Variants in ARHGAP22 observed in about 807,000 individuals in gnomAD.
The protein encoded by ARHGAP22 is rho GTPase-activating protein 22.
Under a neutral mutation model 59.1 loss-of-function variants are expected in ARHGAP22, and 48 were observed. That is an observed-to-expected ratio of 0.81 (90% CI 0.64 to 1.03). The LOEUF is 1.03. ARHGAP22 is among the 50% of genes least tolerant of loss of function. The pLI, the probability that ARHGAP22 is intolerant of heterozygous loss-of-function variation, is 0.00. For missense variants in ARHGAP22, 1,015 were observed against 958.7 expected, an observed-to-expected ratio of 1.06 and a Z score of -0.78; for synonymous variants, 445 against 416.4, an observed-to-expected ratio of 1.07 and a Z score of -0.84.
chr10:48,459,840 C>G lies in ARHGAP22; in HGVS notation c.503G>C (p.Gly168Ala). 1 of 1,613,376 alleles carries G rather than the reference C, an allele frequency of 6.2e-7. No homozygotes were observed. The highest frequency in any genetic ancestry group is 1.1e-5 in the South Asian group (1 of 91,086). ...EETVHHERKY[G>A]PRLAPLLVEQ... is the part of the protein sequence containing the mutation. Reference sequence around the variant, plus strand: ...CACCAGCAGGGGCGCCAGGCGGGGGCCATACTTCCGCTCGTGGTGGACTGT... The same window carrying G: ...CACCAGCAGGGGCGCCAGGCGGGGGGCATACTTCCGCTCGTGGTGGACTGT... The change falls in exon 5 of 10, where the codon GGC becomes GCC. Residue 168 changes from glycine to alanine, a missense_variant. Physicochemically the swap from Gly to Ala is moderately conservative, Grantham distance 60 (BLOSUM62 0). Coordinates refer to ENST00000249601, the MANE Select transcript of ARHGAP22 (RefSeq NM_021226.4).
intron 3 of ARHGAP22, among the ~76,000 whole-genome samples, chr10:48,505,333 TAATA>T (rs918131432): frequency 2.7e-4 from 41 of 152,150 alleles, no homozygotes; most frequent in African/African-American, 4.8e-5. Context: ...AGACTAAATA[TAATA>T]AATAAATAAA....
intron 3 of ARHGAP22, among the ~76,000 whole-genome samples, chr10:48,514,530 G>A (rs537456973): frequency 2.0e-5 from 3 of 152,188 alleles, no homozygotes; most frequent in African/African-American, 7.2e-5. Flanking sequence ...CATTCTCAGA[G>A]AACTAAAAAC....
At chr10:48,552,126 T>C (rs1443550051) in intron 3 of ARHGAP22, among the ~76,000 whole-genome samples, 2 of 152,288 alleles carry the variant, frequency 1.3e-5, no homozygotes, top group South Asian at 4.1e-4. Flanking sequence ...AATAGAACTA[T>C]GGCTTAAAAT....
intron 4 of ARHGAP22, among the ~76,000 whole-genome samples, chr10:48,468,175 CT>C (rs2047901403): frequency 2.0e-5 from 3 of 152,198 alleles, no homozygotes; most frequent in Non-Finnish European, 4.4e-5. Context: ...ACATTCCTGC[CT>C]TTATTTCACA....
the ARHGAP22 span, chr10:48,430,845 C>A: frequency 3.7e-6 from 1 of 273,206 alleles, no homozygotes; most frequent in Non-Finnish European, 6.8e-6. Flanking sequence ...TCAAGCCCTC[C>A]CTGAGACAGA....
chr10:48,575,658 C>T (rs1034555532), intron 2 of ARHGAP22: 1 of 152,200 alleles, frequency 6.6e-6, no homozygotes, highest in Non-Finnish European at 1.5e-5. Context: ...CACTTATTCT[C>T]CTGGAAAAAA....
chr10:48,431,388 A>G, the ARHGAP22 span: 3 of 692,284 alleles, frequency 4.3e-6, no homozygotes, highest in East Asian at 5.4e-5. Flanking sequence ...TCCAGGCTTA[A>G]TAAGTATAAG....
intron 3 of ARHGAP22, among the ~76,000 whole-genome samples, chr10:48,544,379 G>A (rs984435816): frequency 4.0e-5 from 6 of 148,352 alleles, no homozygotes; most frequent in African/African-American, 7.5e-5. Context: ...CATCCCTGCC[G>A]TTCTTTCTTT....
chr10:48,582,290 C>G (rs1776262807), intron 2 of ARHGAP22, among the ~76,000 whole-genome samples: 1 of 152,222 alleles, frequency 6.6e-6, no homozygotes, highest in African/African-American at 2.4e-5. Context: ...CCCTTTCTCT[C>G]TCTGAAACCC....
chr10:48,555,598 G>A, intron 2 of ARHGAP22, 48 bp from the exon 3 acceptor site: 4 of 1,577,620 alleles, frequency 2.5e-6, no homozygotes, highest in Non-Finnish European at 3.5e-6. Flanking sequence ...ATGATGGGGA[G>A]GGGACTGCTG....
At chr10:48,452,611 A>G (rs1020874996) in intron 8 of ARHGAP22, among the ~76,000 whole-genome samples, 7 of 152,226 alleles carry the variant, frequency 4.6e-5, no homozygotes, top group Admixed American at 4.6e-4. Flanking sequence ...TCTCTCATGC[A>G]TACTCCACTG....
intron 5 of ARHGAP22, among the ~76,000 whole-genome samples, 195 bp from the exon 6 acceptor site, chr10:48,455,329 G>C (rs1215149661): frequency 6.6e-6 from 1 of 152,194 alleles, no homozygotes; most frequent in Non-Finnish European, 1.5e-5. Flanking sequence ...GATAGAGCTG[G>C]GGCAGGGACG....
chr10:48,601,260 A>G (rs1410737744), intron 1 of ARHGAP22, among the ~76,000 whole-genome samples: 5 of 152,128 alleles, frequency 3.3e-5, no homozygotes, highest in African/African-American at 1.2e-4. Flanking sequence ...AGTGTCCCTG[A>G]AGGGCAGAAT....
chr10:48,432,213 A>G, the ARHGAP22 span, among the ~76,000 whole-genome samples: 1 of 152,202 alleles, frequency 6.6e-6, no homozygotes, highest in Non-Finnish European at 1.5e-5. Context: ...ATGCCATTTT[A>G]ATTCCTCAGA....
At chr10:48,637,217 G>A (rs2061855280) in intron 1 of ARHGAP22, among the ~76,000 whole-genome samples, 2 of 152,304 alleles carry the variant, frequency 1.3e-5, no homozygotes, top group South Asian at 2.1e-4. Context: ...CTATTGTGTC[G>A]AGGTGGGGGG....
In ARHGAP22 at chr10:48,583,257, C is replaced by T; in HGVS notation, c.35-105G>A. 10 of 1,359,834 alleles carry T rather than the reference C, an allele frequency of 7.4e-6. No homozygotes were observed. The South Asian group carries it at 1.2e-4, about 17-fold the overall frequency. 84.2% of individuals were successfully genotyped at this position (1,359,834 alleles called of 1,614,324 possible). A position where few individuals can be genotyped will look rare whatever the true frequency, so the allele number is the denominator to read the frequency against. On this transcript the variant is annotated intron_variant, in intron 1 of 9. Transcript: ENST00000249601. ...TGCCTCGTGACTGAGGCATGGGAGCCCAGGCCAGCAGGATGTGAGCAGCTG... is the reference window on the plus strand; with the variant it reads ...TGCCTCGTGACTGAGGCATGGGAGCTCAGGCCAGCAGGATGTGAGCAGCTG...
chr10:48,552,221 G>T (rs1244792771), intron 3 of ARHGAP22, among the ~76,000 whole-genome samples: 1 of 152,274 alleles, frequency 6.6e-6, no homozygotes, highest in Non-Finnish European at 1.5e-5. Flanking sequence ...TCTTGGGGGT[G>T]CTGGTTGGAG....
chr10:48,567,598 C>T (rs1274949320), intron 2 of ARHGAP22, among the ~76,000 whole-genome samples: 1 of 152,176 alleles, frequency 6.6e-6, no homozygotes, highest in Non-Finnish European at 1.5e-5. Context: ...GTCATCAAAT[C>T]TCCATGGGCT....
intron 3 of ARHGAP22, among the ~76,000 whole-genome samples, chr10:48,532,308 C>T (rs535229175): frequency 6.6e-6 from 1 of 152,234 alleles, no homozygotes; most frequent in African/African-American, 2.4e-5. Context: ...GTGAGGGTCT[C>T]ATCTGGGCCT....
Sources: allele counts gnomAD v4.1 joint callset (sites outside exome capture counted in the v4.1 genomes callset), GRCh38; gene constraint gnomAD v4.1.1; transcripts MANE v1.5; gene names NCBI Gene and HGNC (gene_info 2026-07-23, HGNC 2026-07-21).